The following PXDNL variants were observed in gnomAD, a reference collection of about 807,000 sequenced individuals.
PXDNL encodes peroxidasin like.
A neutral mutation model predicts 150.8 loss-of-function variants in PXDNL; 145 were observed. That is an observed-to-expected ratio of 0.96 (90% CI 0.84 to 1.10). The LOEUF is 1.10. Among genes scored for constraint, PXDNL ranks in the 50% least tolerant of loss-of-function variants. The probability of loss-of-function intolerance (pLI) is 0.00; values close to 1 mark genes in which losing one functional copy is unlikely to be tolerated. For synonymous variants in PXDNL, 757 were observed against 725.7 expected, an observed-to-expected ratio of 1.04 and a Z score of -0.69; for missense variants, 2,087 against 1,873.9, an observed-to-expected ratio of 1.11 and a Z score of -2.10.
intron 1 of PXDNL, among the ~76,000 whole-genome samples, chr8:51,696,844 C>CACACACATCCACATACAGGTCCA (rs1563510419): frequency 1.2e-4 from 17 of 143,436 alleles, no homozygotes; most frequent in Non-Finnish European, 2.3e-4. Context: ...CACACAGGTC[C>CACACACATCCACATACAGGTCCA]TGACACACAC....
intron 17 of PXDNL, among the ~76,000 whole-genome samples, chr8:51,387,794 TG>T (rs552323052): frequency 6.6e-6 from 1 of 152,240 alleles, no homozygotes; most frequent in Non-Finnish European, 1.5e-5. Flanking sequence ...AATGTCATTT[TG>T]GTATACTCTG....
At chr8:51,517,717 G>A (rs753090896) in intron 4 of PXDNL, among the ~76,000 whole-genome samples, 53 of 152,298 alleles carry the variant, frequency 3.5e-4, no homozygotes, top group Non-Finnish European at 6.8e-4. Flanking sequence ...CCTAACTGGT[G>A]ACAAGCTTTC....
chr8:51,419,063 G>C (rs921019945), intron 14 of PXDNL, among the ~76,000 whole-genome samples: 7 of 152,052 alleles, frequency 4.6e-5, no homozygotes, highest in African/African-American at 1.7e-4. Flanking sequence ...CAAGGTCCTC[G>C]GGGAAAGACC....
At chr8:51,579,093 A>G (rs1335413869) in intron 3 of PXDNL, among the ~76,000 whole-genome samples, 1 of 152,110 alleles carries the variant, frequency 6.6e-6, no homozygotes, top group Non-Finnish European at 1.5e-5. Context: ...CCCATAGAAA[A>G]GAACTTTGAT....
At chr8:51,419,484 T>C (rs1310709306) in intron 14 of PXDNL, among the ~76,000 whole-genome samples, 1 of 152,186 alleles carries the variant, frequency 6.6e-6, no homozygotes, top group Non-Finnish European at 1.5e-5. Context: ...TTTTAAAAAA[T>C]AAGAAAATCA....
intron 5 of PXDNL, 51 bp from the exon 6 acceptor site, chr8:51,483,765 A>G (rs1810659543): frequency 9.3e-7 from 1 of 1,070,874 alleles, no homozygotes; most frequent in South Asian, 1.5e-5. Flanking sequence ...AATGAATTTG[A>G]CAAACAAAAC....
intron 3 of PXDNL, among the ~76,000 whole-genome samples, chr8:51,579,815 ACGC>A (rs1813164736): frequency 6.6e-6 from 1 of 152,030 alleles, no homozygotes; most frequent in Non-Finnish European, 1.5e-5. Context: ...TATTGATATT[ACGC>A]AAAAACCAGG....
intron 1 of PXDNL, among the ~76,000 whole-genome samples, chr8:51,772,000 G>C (rs566924348): frequency 6.6e-6 from 1 of 151,976 alleles, no homozygotes; most frequent in Non-Finnish European, 1.5e-5. Context: ...CATGTGAGGA[G>C]GTGTGGTCCA....
rs1174211205 is a variant in PXDNL at position 51,809,347 on chromosome 8, C to G, written c.-3G>C. ...CAGCAGAACAGTCTGGGCTCCATCGCTCCATTCGCTGCTGGCCACGCGAAG... is the reference window on the plus strand; with the variant it reads ...CAGCAGAACAGTCTGGGCTCCATCGGTCCATTCGCTGCTGGCCACGCGAAG... On this transcript the variant is annotated 5_prime_UTR_variant, in exon 1 of 23. Coordinates refer to ENST00000356297, the MANE Select transcript of PXDNL (RefSeq NM_144651.5). The G allele has an allele frequency of 6.5e-7, 1 of 1,528,694 alleles. No homozygotes were observed. The highest frequency in any genetic ancestry group is 8.8e-7 in the Non-Finnish European group (1 of 1,138,822). 94.7% of individuals were successfully genotyped at this position (1,528,694 alleles called of 1,614,324 possible). A position where few individuals can be genotyped will look rare whatever the true frequency, so the allele number is the denominator to read the frequency against.
chr8:51,577,606 A>ATATGTG (rs1554554510), intron 3 of PXDNL, among the ~76,000 whole-genome samples: 2 of 147,586 alleles, frequency 1.4e-5, no homozygotes, highest in African/African-American at 4.9e-5. Flanking sequence ...ATATATATAT[A>ATATGTG]TATAATCAGG....
At chr8:51,593,336 G>A (rs989001193) in intron 2 of PXDNL, among the ~76,000 whole-genome samples, 1 of 152,030 alleles carries the variant, frequency 6.6e-6, no homozygotes, top group African/African-American at 2.4e-5. Flanking sequence ...AAGCACCCTG[G>A]CAAATGAAAA....
At chr8:51,562,745 T>C (rs1462215461) in intron 3 of PXDNL, among the ~76,000 whole-genome samples, 1 of 152,018 alleles carries the variant, frequency 6.6e-6, no homozygotes, top group Non-Finnish European at 1.5e-5. Flanking sequence ...CTCTGGAAGA[T>C]GACAGACATC....
At chr8:51,558,126 G>A (rs1812634562) in intron 3 of PXDNL, among the ~76,000 whole-genome samples, 1 of 152,094 alleles carries the variant, frequency 6.6e-6, no homozygotes, top group African/African-American at 2.4e-5. Context: ...ACTCACTAGT[G>A]GTTCTCAAGT....
chr8:51,535,720 A>AT (rs1390390508), intron 4 of PXDNL, among the ~76,000 whole-genome samples: 2 of 138,232 alleles, frequency 1.4e-5, no homozygotes, highest in East Asian at 2.1e-4. Context: ...TCAATAAAAA[A>AT]ATAAATAAAT....
In PXDNL at chr8:51,408,598, A is replaced by C. The variant is rs781343889; in HGVS notation, c.3026T>G (p.Leu1009Arg). The change falls in exon 17 of 23, where the codon CTG (leucine) becomes CGG (arginine). Residue 1009 changes from leucine to arginine, a missense_variant. Transcript: ENST00000356297. ...QEARKIVGAE[L>R]QHITYSHWLP... ...CCAGTGGCTGTAGGTGATGTGCTGC[A>C]GCTCCGCGCCCACGATCTTCCTGGC... The C allele has an allele frequency of 1.9e-5, 30 of 1,611,890 alleles. No individual in the cohort carries two copies. Among genetic ancestry groups the C allele is most frequent in the Non-Finnish European group, 2.4e-5 (28 of 1,179,144 alleles).
In PXDNL at chr8:51,653,151, T is replaced by C. The variant is rs538227510; in HGVS notation, c.236+1538A>G. The stretch of plus-strand genomic sequence containing the variant: ...ATACTCAATAGCCTGGGCGTGGTGG[T>C]TCATGCCTGTAATCCCAACACTTTT... On this transcript the variant is annotated intron_variant, in intron 2 of 22. Transcript: ENST00000356297. Among the ~76,000 whole-genome samples the C allele has an allele frequency of 2.7e-4, 41 of 152,190 alleles. 1 individual carries two copies. The South Asian group carries it at 8.3e-3, about 31-fold the overall frequency.
At chr8:51,759,502 A>C (rs1174170293) in intron 1 of PXDNL, among the ~76,000 whole-genome samples, 1 of 152,136 alleles carries the variant, frequency 6.6e-6, no homozygotes, top group African/African-American at 2.4e-5. Flanking sequence ...GAGGGCCATG[A>C]AGCACTCTGA....
At chr8:51,773,405 G>A (rs2037320337) in intron 1 of PXDNL, among the ~76,000 whole-genome samples, 2 of 152,134 alleles carry the variant, frequency 1.3e-5, no homozygotes, top group Admixed American at 1.3e-4. Context: ...AGGCTTCTGT[G>A]GACCCTCTGG....
intron 8 of PXDNL, among the ~76,000 whole-genome samples, chr8:51,461,980 T>C (rs1810095781): frequency 6.6e-6 from 1 of 152,058 alleles, no homozygotes; most frequent in Non-Finnish European, 1.5e-5. Context: ...AAACAAAAAT[T>C]CTTTCAGCAC....
Sources: gnomAD v4.1 joint callset for allele counts (sites outside exome capture counted in the v4.1 genomes callset) on GRCh38, gnomAD v4.1.1 for gene constraint, MANE v1.5 for transcripts, NCBI Gene and HGNC (gene_info 2026-07-23, HGNC 2026-07-21) for gene names.